RNLS: variants seen among roughly 807,000 people sequenced by gnomAD.
The protein encoded by RNLS is renalase, FAD dependent amine oxidase.
In RNLS, 39 loss-of-function variants were observed where a neutral mutation model predicts 39.8. That is an observed-to-expected ratio of 0.98 (90% CI 0.76 to 1.28). The LOEUF (loss-of-function observed/expected upper bound fraction) is 1.28. Ranked by LOEUF, RNLS falls within the 50% of genes most tolerant of loss-of-function variation. The pLI is 0.00. For missense variants in RNLS, 410 were observed against 413.3 expected (o/e 0.99, Z 0.07); for synonymous variants, 147 against 150.7 (o/e 0.98, Z 0.18).
chr10:88,508,940 T>C (rs1219091719), intron 4 of RNLS, among the ~76,000 whole-genome samples: 4 of 151,706 alleles, frequency 2.6e-5, no homozygotes, highest in Admixed American at 6.6e-5. Context: ...TGCACATTTT[T>C]CCCTGCATCC....
At chr10:88,394,907 A>G (rs376765287) in intron 4 of RNLS, among the ~76,000 whole-genome samples, 1 of 152,132 alleles carries the variant, frequency 6.6e-6, no homozygotes, top group Non-Finnish European at 1.5e-5. Flanking sequence ...CATGGATGAA[A>G]CTGGAAACAA....
At chr10:88,384,252 G>A (rs1186895274) in intron 4 of RNLS, among the ~76,000 whole-genome samples, 1 of 152,134 alleles carries the variant, frequency 6.6e-6, no homozygotes, top group African/African-American at 2.4e-5. Context: ...CAAAATAATT[G>A]TATAAGTTCA....
intron 4 of RNLS, among the ~76,000 whole-genome samples, chr10:88,567,954 A>T (rs1849607989): frequency 6.6e-6 from 1 of 152,246 alleles, no homozygotes; most frequent in Non-Finnish European, 1.5e-5. Context: ...AGCTACAGGC[A>T]TATCAATACC....
intron 4 of RNLS, among the ~76,000 whole-genome samples, chr10:88,460,034 TG>T (rs1564817220): frequency 6.6e-6 from 1 of 152,164 alleles, no homozygotes; most frequent in East Asian, 1.9e-4. Flanking sequence ...GAGTTCAGCA[TG>T]GTGTTAAGCA....
intron 4 of RNLS, among the ~76,000 whole-genome samples, chr10:88,495,678 G>C (rs1398469942): frequency 6.6e-6 from 1 of 151,964 alleles, no homozygotes; most frequent in East Asian, 1.9e-4. Context: ...TTGAGAGGAG[G>C]GCAGCATAAG....
chr10:88,515,284 G>A (rs1288847990), intron 4 of RNLS, among the ~76,000 whole-genome samples: 1 of 151,966 alleles, frequency 6.6e-6, no homozygotes, highest in Non-Finnish European at 1.5e-5. Context: ...GGTACCAAAT[G>A]CTGATTCAGT....
intron 5 of RNLS, among the ~76,000 whole-genome samples, chr10:88,341,220 T>C (rs936540006): frequency 4.6e-5 from 7 of 150,624 alleles, no homozygotes; most frequent in Non-Finnish European, 7.4e-5. Flanking sequence ...TCCCAGCTAC[T>C]TGGGAGGCTG....
intron 4 of RNLS, among the ~76,000 whole-genome samples, chr10:88,495,401 T>C (rs917625181): frequency 3.3e-5 from 5 of 152,148 alleles, no homozygotes; most frequent in Non-Finnish European, 5.9e-5. Context: ...AAGGAGGCTT[T>C]GGGTCTATAA....
the RNLS span, among the ~76,000 whole-genome samples, chr10:88,182,055 G>T: frequency 6.6e-6 from 1 of 152,090 alleles, no homozygotes; most frequent in African/African-American, 2.4e-5. Flanking sequence ...AAGGGTGTGG[G>T]GTAGGTCAAA....
At chr10:88,497,522 A>G (rs1441813887) in intron 4 of RNLS, among the ~76,000 whole-genome samples, 2 of 152,126 alleles carry the variant, frequency 1.3e-5, no homozygotes, top group Admixed American at 1.3e-4. Flanking sequence ...AAAGCAAATA[A>G]CAGAGTTGGA....
intron 5 of RNLS, among the ~76,000 whole-genome samples, chr10:88,325,522 T>C (rs1230813006): frequency 6.6e-6 from 1 of 152,164 alleles, no homozygotes; most frequent in African/African-American, 2.4e-5. Flanking sequence ...AATCAAAAGC[T>C]ACAGAAGTTG....
chr10:88,203,292 GTATGTATATATATATATA>G, the RNLS span, among the ~76,000 whole-genome samples: 9,565 of 12,906 alleles, frequency 0.74, 4,103 homozygotes, highest in Non-Finnish European at 0.81. Context: ...ATATATATAC[GTATGTATATATATATATA>G]TACGTATGTA....
downstream of RNLS, among the ~76,000 whole-genome samples, chr10:88,269,246 G>A (rs528754007): frequency 6.6e-6 from 1 of 152,262 alleles, no homozygotes; most frequent in South Asian, 2.1e-4. Flanking sequence ...ACAGGGCCCT[G>A]GTTTGGCATT....
At chr10:88,554,996 T>A (rs1848788701) in intron 4 of RNLS, among the ~76,000 whole-genome samples, 1 of 152,136 alleles carries the variant, frequency 6.6e-6, no homozygotes, top group Admixed American at 6.6e-5. Context: ...GTGATATCAC[T>A]CCAGAAGGTC....
rs1843184216 is a variant in RNLS, at chr10:88,285,262, T to C, written c.*92A>G. On this transcript the variant is annotated 3_prime_UTR_variant, in exon 7 of 7. Transcript: ENST00000331772. ...AAGTGAAGAACAATTTTCCAGTAAT[T>C]TTTCTTAGCAAAATAGAAAACAAAA... 2 of 1,412,106 alleles carry C rather than the reference T, an allele frequency of 1.4e-6. No homozygotes were observed. Among genetic ancestry groups the C allele is most frequent in the Admixed American group, 5.6e-5 (2 of 35,924 alleles). The allele number at this position is 1,412,106 out of a possible 1,614,324, so 87.5% of individuals were successfully genotyped here.
chr10:88,202,254 C>T, the RNLS span, among the ~76,000 whole-genome samples: 1 of 134,746 alleles, frequency 7.4e-6, no homozygotes, highest in African/African-American at 2.9e-5. Context: ...ACAATGAGAA[C>T]ACATGGACAC....
intron 4 of RNLS, among the ~76,000 whole-genome samples, chr10:88,475,470 G>C (rs1843760732): frequency 6.6e-6 from 1 of 152,130 alleles, no homozygotes; most frequent in Admixed American, 6.6e-5. Context: ...TTTTCTTCGA[G>C]TACATTTTCA....
the RNLS span, among the ~76,000 whole-genome samples, chr10:88,187,760 C>T: frequency 6.6e-6 from 1 of 152,180 alleles, no homozygotes; most frequent in Admixed American, 6.6e-5. Flanking sequence ...ACTGAGATAA[C>T]TTTTCTTGTC....
intron 4 of RNLS, among the ~76,000 whole-genome samples, chr10:88,380,500 C>T (rs792217): frequency 0.26 from 39,153 of 150,374 alleles, 5,938 homozygotes; most frequent in Non-Finnish European, 0.35. Flanking sequence ...CTCAGCCTCC[C>T]AAATAGCTGG....
Sources: gnomAD v4.1 joint callset for allele counts (sites outside exome capture counted in the v4.1 genomes callset) on GRCh38, gnomAD v4.1.1 for gene constraint, MANE v1.5 for transcripts, NCBI Gene and HGNC (gene_info 2026-07-23, HGNC 2026-07-21) for gene names.